ATP6V1C2: variants seen among roughly 807,000 people sequenced by gnomAD.
ATP6V1C2 encodes the protein V-type proton ATPase subunit C 2.
ATP6V1C2 carries 45 observed loss-of-function variants against 56.8 expected under a neutral mutation model. The observed-to-expected ratio is 0.79, with a 90% CI of 0.62 to 1.02. The LOEUF is 1.02. ATP6V1C2 is among the 50% of genes least tolerant of loss of function. ATP6V1C2 has a pLI of 0.00. For synonymous variants in ATP6V1C2, 220 were observed against 201.3 expected, an observed-to-expected ratio of 1.09 and a Z score of -0.79; for missense variants, 463 against 519.7, an observed-to-expected ratio of 0.89 and a Z score of 1.06.
intron 4 of ATP6V1C2, among the ~76,000 whole-genome samples, chr2:10,761,778 G>A (rs1663921960): frequency 6.6e-6 from 1 of 152,180 alleles, no homozygotes; most frequent in Non-Finnish European, 1.5e-5. Flanking sequence ...GAATCCTATT[G>A]GATCAGGGCC....
chr2:10,733,086 T>A (rs112789853), intron 3 of ATP6V1C2, among the ~76,000 whole-genome samples: 99 of 152,292 alleles, frequency 6.5e-4, no homozygotes, highest in African/African-American at 2.3e-3. Context: ...GGACTAGGTG[T>A]GGCAAGAATG....
chr2:10,774,084 T>G (rs1664803550), intron 8 of ATP6V1C2, among the ~76,000 whole-genome samples: 1 of 152,212 alleles, frequency 6.6e-6, no homozygotes, highest in African/African-American at 2.4e-5. Flanking sequence ...GACCAGAGCC[T>G]CAGGCCCTTC....
At chr2:10,750,498 A>C (rs1226944753) in intron 3 of ATP6V1C2, among the ~76,000 whole-genome samples, 1 of 150,290 alleles carries the variant, frequency 6.7e-6, no homozygotes, top group Non-Finnish European at 1.5e-5. Flanking sequence ...CCTGGGCGAC[A>C]GGGTGAGACC....
intron 13 of ATP6V1C2, among the ~76,000 whole-genome samples, 161 bp downstream of exon 13, chr2:10,782,536 C>CT (rs1325815636): frequency 6.6e-6 from 1 of 151,444 alleles, no homozygotes; most frequent in African/African-American, 2.4e-5. Flanking sequence ...CCTGTCTCTA[C>CT]TAAAAAAAAA....
intron 4 of ATP6V1C2, among the ~76,000 whole-genome samples, chr2:10,759,369 C>G (rs1395353350): frequency 6.6e-6 from 1 of 152,222 alleles, no homozygotes; most frequent in African/African-American, 2.4e-5. Context: ...AAGACAGAAA[C>G]CCTCGAGGCT....
intron 3 of ATP6V1C2, among the ~76,000 whole-genome samples, chr2:10,750,381 G>A (rs1413664549): frequency 9.9e-5 from 15 of 152,052 alleles, no homozygotes; most frequent in African/African-American, 3.6e-4. Flanking sequence ...GCAGGGCATG[G>A]TGACGGGTGC....
rs775474789 is a variant in ATP6V1C2 at position 10,783,295 on chromosome 2, G to A, written c.*32G>A. ...CAGCTGGCACCTCTGTCTCATGTTC[G>A]TGCAGATTATTACAGACACCTCTTT... On this transcript the variant is annotated 3_prime_UTR_variant, in exon 14 of 14. Coordinates refer to ENST00000272238, the MANE Select transcript of ATP6V1C2 (RefSeq NM_001039362.2). 25 of 1,448,386 alleles carry A rather than the reference G, an allele frequency of 1.7e-5. No individual in the cohort carries two copies. Among genetic ancestry groups the A allele is most frequent in the Admixed American group, 1.2e-4 (7 of 59,586 alleles). 89.7% of individuals were successfully genotyped at this position (1,448,386 alleles called of 1,614,324 possible). A position where few individuals can be genotyped will look rare whatever the true frequency, so the allele number is the denominator to read the frequency against.
chr2:10,726,445 T>C, intron 2 of ATP6V1C2, 57 bp from the exon 3 acceptor site: 1 of 1,343,954 alleles, frequency 7.4e-7, no homozygotes, highest in South Asian at 1.2e-5. Context: ...GTTGTTGAGA[T>C]GGCATCATGC....
chr2:10,747,901 C>T (rs1476614941), intron 3 of ATP6V1C2, among the ~76,000 whole-genome samples: 4 of 151,660 alleles, frequency 2.6e-5, no homozygotes, highest in Admixed American at 2.6e-4. Flanking sequence ...CGCTTTGTTA[C>T]CCAGGCTGGA....
At chr2:10,778,115 G>A (rs946225069) in intron 11 of ATP6V1C2, among the ~76,000 whole-genome samples, 1 of 152,116 alleles carries the variant, frequency 6.6e-6, no homozygotes, top group African/African-American at 2.4e-5. Flanking sequence ...CAAGACTCTT[G>A]AGCTCCCAGG....
At chr2:10,762,038 C>A (rs1233201456) in intron 4 of ATP6V1C2, among the ~76,000 whole-genome samples, 1 of 152,242 alleles carries the variant, frequency 6.6e-6, no homozygotes, top group African/African-American at 2.4e-5. Flanking sequence ...AGGTGCTTCA[C>A]GCCTTATCTC....
At chr2:10,782,221 C>T in intron 12 of ATP6V1C2, 22 bp from the exon 13 acceptor site, 2 of 1,613,102 alleles carry the variant, frequency 1.2e-6, no homozygotes, top group Non-Finnish European at 1.7e-6. Flanking sequence ...AGTGAACTGA[C>T]ACATTTTGTC....
intron 4 of ATP6V1C2, among the ~76,000 whole-genome samples, chr2:10,762,287 G>A (rs1198868): frequency 0.42 from 63,902 of 151,210 alleles, 13,788 homozygotes; most frequent in East Asian, 0.52. Context: ...CTGGAACTAC[G>A]GGCGTGTGCC....
At chr2:10,779,445 ATG>A (rs1276024121) in intron 12 of ATP6V1C2, among the ~76,000 whole-genome samples, 7 of 93,214 alleles carry the variant, frequency 7.5e-5, no homozygotes, top group Non-Finnish European at 1.6e-4. Context: ...ATATATATGT[ATG>A]TATATATATA....
At chr2:10,741,390 G>A (rs554466137) in intron 3 of ATP6V1C2, among the ~76,000 whole-genome samples, 1 of 152,084 alleles carries the variant, frequency 6.6e-6, no homozygotes, top group African/African-American at 2.4e-5. Context: ...ACAAAGGATG[G>A]GGTGAGGTGC....
intron 3 of ATP6V1C2, among the ~76,000 whole-genome samples, chr2:10,747,397 A>C (rs1316303814): frequency 1.3e-5 from 2 of 152,190 alleles, no homozygotes; most frequent in Non-Finnish European, 2.9e-5. Flanking sequence ...GAACTTCTTC[A>C]ACAGTAAGTT....
intron 3 of ATP6V1C2, among the ~76,000 whole-genome samples, chr2:10,745,623 G>A (rs1387068132): frequency 6.6e-6 from 1 of 152,156 alleles, no homozygotes; most frequent in Non-Finnish European, 1.5e-5. Context: ...TTACAGGCAT[G>A]AGCCACCACG....
At chr2:10,765,273 C>A (rs1664156392) in intron 5 of ATP6V1C2, among the ~76,000 whole-genome samples, 1 of 152,212 alleles carries the variant, frequency 6.6e-6, no homozygotes, top group African/African-American at 2.4e-5. Context: ...CTATGGGCAC[C>A]TGGAGCTGGG....
chr2:10,772,100 G>A (rs1664650945), intron 7 of ATP6V1C2, among the ~76,000 whole-genome samples, 163 bp downstream of exon 7: 1 of 152,224 alleles, frequency 6.6e-6, no homozygotes, highest in Non-Finnish European at 1.5e-5. Flanking sequence ...TGTCAGTAGG[G>A]ACAGTGGTTG....
Sources: gnomAD v4.1 joint callset for allele counts (sites outside exome capture counted in the v4.1 genomes callset) on GRCh38, gnomAD v4.1.1 for gene constraint, MANE v1.5 for transcripts, NCBI Gene and HGNC (gene_info 2026-07-23, HGNC 2026-07-21) for gene names.